The following ATG4A variants were observed in gnomAD, a reference collection of about 807,000 sequenced individuals.
ATG4A encodes cysteine protease ATG4A.
Under a neutral mutation model 38.4 loss-of-function variants are expected in ATG4A, and 22 were observed. The observed-to-expected ratio is 0.57, with a 90% CI of 0.41 to 0.82. ATG4A has a LOEUF of 0.82. Among genes scored for constraint, ATG4A ranks in the 40% least tolerant of loss-of-function variants. ATG4A has a pLI of 0.00. For missense variants in ATG4A, 220 were observed against 290.0 expected, an observed-to-expected ratio of 0.76 and a Z score of 1.75; for synonymous variants, 86 against 100.7, an observed-to-expected ratio of 0.85 and a Z score of 0.88.
Position 108,091,797 on chromosome X carries a change from G to T in ATG4A, c.-30G>T, listed in dbSNP as rs2031632737. On this transcript the variant is annotated 5_prime_UTR_variant, in exon 1 of 13. Transcript: ENST00000372232. ...CCGTCCGTCCGTAGTCAAGTTGCCG[G>T]TGGAATTGGCCCAGGATGACAGCTG... The T allele has an allele frequency of 8.3e-7, 1 of 1,209,579 alleles. No individual in the cohort carries two copies. Among genetic ancestry groups the T allele is most frequent in the African/African-American group, 1.7e-5 (1 of 57,156 alleles).
upstream of ATG4A, chrX:108,088,860 A>G (rs1267210950): frequency 4.4e-6 from 5 of 1,126,691 alleles, no homozygotes; most frequent in South Asian, 1.0e-4. Context: ...CCTACAGAGA[A>G]GCAGTAATAG....
At chrX:108,096,054 T>A (rs1323876952) in intron 1 of ATG4A, among the ~76,000 whole-genome samples, 2 of 112,385 alleles carry the variant, frequency 1.8e-5, no homozygotes, top group Non-Finnish European at 3.7e-5. Context: ...ATCTATCTTT[T>A]TGATTATAGG....
At position 108,154,111 on chromosome X, in the gene ATG4A, T is replaced by C. The variant is rs776317861; in HGVS notation, c.*399T>C. ...TTAAGCTGTTCTTCACCCTTTCAGA[T>C]GTGACCTCTTTTGGACTAAGCAGCA... On this transcript the variant is annotated 3_prime_UTR_variant, in exon 13 of 13. Transcript: ENST00000372232. The C allele has an allele frequency of 1.6e-5, 2 of 122,079 alleles. No individual in the cohort carries two copies. The highest frequency in any genetic ancestry group is 6.4e-5 in the African/African-American group (2 of 31,386). 10.1% of individuals were successfully genotyped at this position (122,079 alleles called of 1,213,427 possible).
At chrX:108,100,770 C>T (rs766742111) in intron 1 of ATG4A, among the ~76,000 whole-genome samples, 14 of 111,475 alleles carry the variant, frequency 1.3e-4, no homozygotes, top group Admixed American at 8.6e-4. Context: ...CATTTGGATG[C>T]GATGTATAAT....
chrX:108,126,293 A>T, intron 2 of ATG4A, 106 bp downstream of exon 2: 4 of 553,606 alleles, frequency 7.2e-6, no homozygotes, highest in Non-Finnish European at 1.2e-5. Context: ...GTCTTGCTCA[A>T]TGTTAATGCT....
intron 11 of ATG4A, 147 bp from the exon 12 acceptor site, chrX:108,152,832 G>T: frequency 2.3e-6 from 1 of 444,408 alleles, no homozygotes; most frequent in Admixed American, 3.6e-5. Flanking sequence ...GTCTTCAGAT[G>T]GTTCAAGTAG....
At chrX:108,147,359 T>A (rs1231600781) in intron 9 of ATG4A, among the ~76,000 whole-genome samples, 1 of 111,617 alleles carries the variant, frequency 9.0e-6, no homozygotes, top group Non-Finnish European at 1.9e-5. Flanking sequence ...AAACTCAGTG[T>A]CCCCAGCTTC....
intron 9 of ATG4A, among the ~76,000 whole-genome samples, chrX:108,142,445 G>A (rs2033323824): frequency 9.2e-6 from 1 of 109,115 alleles, no homozygotes; most frequent in Non-Finnish European, 1.9e-5. Flanking sequence ...AGAACTAATG[G>A]AATATATATA....
intron 2 of ATG4A, among the ~76,000 whole-genome samples, chrX:108,127,769 A>G (rs959318163): frequency 8.9e-6 from 1 of 112,334 alleles, no homozygotes; most frequent in South Asian, 3.8e-4. Flanking sequence ...TGCAGTGACT[A>G]TAAGTTTTAT....
At chrX:108,136,037 C>G (rs2033098550) in intron 6 of ATG4A, among the ~76,000 whole-genome samples, 1 of 111,325 alleles carries the variant, frequency 9.0e-6, no homozygotes, top group Non-Finnish European at 1.9e-5. Context: ...CCGTCTCAAC[C>G]TCCCAAAGTG....
At chrX:108,116,568 A>G (rs2032515037) in intron 1 of ATG4A, among the ~76,000 whole-genome samples, 1 of 112,043 alleles carries the variant, frequency 8.9e-6, no homozygotes, top group South Asian at 3.7e-4. Flanking sequence ...TGAATGTTCA[A>G]AGAGCTAGGA....
intron 1 of ATG4A, among the ~76,000 whole-genome samples, chrX:108,109,799 GTGAGCTTTCTATTCTATTTCCT>G (rs1318265417): frequency 9.0e-6 from 1 of 111,731 alleles, no homozygotes; most frequent in Non-Finnish European, 1.9e-5. Flanking sequence ...GGGTTTATGT[GTGAGCTTTCTATTCTATTTCCT>G]TGAGCTATGT....
intron 4 of ATG4A, among the ~76,000 whole-genome samples, chrX:108,132,334 GA>G (rs2032979239): frequency 1.8e-5 from 2 of 112,351 alleles, no homozygotes; most frequent in South Asian, 3.7e-4. Context: ...ATGAGAGAGC[GA>G]AAGGACACTT....
chrX:108,128,916 T>A, intron 3 of ATG4A, 64 bp downstream of exon 3: 1 of 780,918 alleles, frequency 1.3e-6, no homozygotes, highest in African/African-American at 2.1e-5. Context: ...AGGTTATCAG[T>A]GACTTCATAG....
chrX:108,114,377 A>G (rs1217408242), intron 1 of ATG4A, among the ~76,000 whole-genome samples: 3 of 111,811 alleles, frequency 2.7e-5, no homozygotes, highest in Non-Finnish European at 5.6e-5. Context: ...AAAGAGCTTA[A>G]AAGTCTGGCC....
At chrX:108,091,619 C>T, upstream of ATG4A, 3 of 944,312 alleles carry the variant, frequency 3.2e-6, no homozygotes, top group Non-Finnish European at 3.0e-6. Flanking sequence ...CTTCACCAAT[C>T]ACCGGCCTTC....
rs2033646817 is a variant in ATG4A, at chrX:108,153,858, G to A, written c.*146G>A. On this transcript the variant is annotated 3_prime_UTR_variant, in exon 13 of 13. Coordinates refer to ENST00000372232, the MANE Select transcript of ATG4A (RefSeq NM_052936.5). ...AGCAATCATGACTGAGCCAATCACTGTTTCTCAGAAAAACAAAACAAAACA... is the reference window on the plus strand; with the variant it reads ...AGCAATCATGACTGAGCCAATCACTATTTCTCAGAAAAACAAAACAAAACA... 4.5e-6 allele frequency: 2 copies of A among 446,777 alleles called. No homozygotes were observed. The allele number at this position is 446,777 out of a possible 1,213,427, so 36.8% of individuals were successfully genotyped here. A position where few individuals can be genotyped will look rare whatever the true frequency, so the allele number is the denominator to read the frequency against.
At chrX:108,129,484 C>T (rs1287314210) in intron 3 of ATG4A, among the ~76,000 whole-genome samples, 2 of 111,467 alleles carry the variant, frequency 1.8e-5, no homozygotes, top group African/African-American at 6.5e-5. Flanking sequence ...ATGGTGAAAT[C>T]TACTCTTCTA....
At chrX:108,111,926 C>A (rs2032365558) in intron 1 of ATG4A, among the ~76,000 whole-genome samples, 1 of 111,609 alleles carries the variant, frequency 9.0e-6, no homozygotes, top group African/African-American at 3.3e-5. Flanking sequence ...GTCCTCACAC[C>A]TTGGCCTCCT....
Sources: allele counts gnomAD v4.1 joint callset (sites outside exome capture counted in the v4.1 genomes callset), GRCh38; gene constraint gnomAD v4.1.1; transcripts MANE v1.5; gene names NCBI Gene and HGNC (gene_info 2026-07-23, HGNC 2026-07-21).